The following ACYP2 variants were observed in gnomAD, a reference collection of about 807,000 sequenced individuals.
The protein encoded by ACYP2 is acylphosphatase 2.
ACYP2 carries 12 observed loss-of-function variants against 11.2 expected under a neutral mutation model. The observed-to-expected ratio is 1.08, with a 90% confidence interval of 0.69 to 1.74. The LOEUF is 1.74. Among genes scored for constraint, ACYP2 ranks in the 40% most tolerant of loss-of-function variants. The pLI is 0.00. For missense variants in ACYP2, 134 were observed against 101.9 expected, an observed-to-expected ratio of 1.31 and a Z score of -1.35; for synonymous variants, 43 against 32.2, an observed-to-expected ratio of 1.33 and a Z score of -1.13.
At chr2:54,053,411 C>T (rs937216616) in intron 3 of ACYP2, among the ~76,000 whole-genome samples, 23 of 152,186 alleles carry the variant, frequency 1.5e-4, no homozygotes, top group African/African-American at 4.8e-4. Flanking sequence ...CACCAGCACC[C>T]TCAGTGGCAG....
rs1002813900 is a variant in ACYP2 at position 54,097,494 on chromosome 2, A to G, written c.278-37959A>G. On this transcript the variant is annotated intron_variant, in intron 4 of 6. Coordinates refer to ENST00000607452, the MANE Select transcript of ACYP2 (RefSeq NM_001320586.2). ...GAGGCACCTGGTTACAAAAAATGAC[A>G]ATAACAACACAACAACAGTGTATTA... Among the ~76,000 whole-genome samples, 5 of 152,264 alleles carry G rather than the reference A, an allele frequency of 3.3e-5. No homozygotes were observed. In the South Asian group the frequency reaches 6.2e-4, roughly 19 times the overall value.
At chr2:54,001,397 T>C (rs1047649312) in intron 2 of ACYP2, among the ~76,000 whole-genome samples, 2 of 152,194 alleles carry the variant, frequency 1.3e-5, no homozygotes, top group Non-Finnish European at 2.9e-5. Context: ...TAAAAATATG[T>C]ATTTTTTATT....
chr2:54,145,139 G>A (rs115194735), intron 6 of ACYP2, among the ~76,000 whole-genome samples: 123 of 152,026 alleles, frequency 8.1e-4, no homozygotes, highest in Non-Finnish European at 1.3e-3. Context: ...GTTTGTGTTT[G>A]TAAAATTCCC....
At chr2:54,199,757 C>A (rs2103904647) in intron 6 of ACYP2, among the ~76,000 whole-genome samples, 1 of 152,304 alleles carries the variant, frequency 6.6e-6, no homozygotes, top group African/African-American at 2.4e-5. Context: ...GGTTTAAGAA[C>A]TATGGAGCTG....
intron 2 of ACYP2, among the ~76,000 whole-genome samples, chr2:53,988,894 G>A (rs111598431): frequency 3.3e-5 from 5 of 151,690 alleles, no homozygotes; most frequent in African/African-American, 7.3e-5. Flanking sequence ...TTACAGGTGC[G>A]CGCTACCATG....
intron 6 of ACYP2, among the ~76,000 whole-genome samples, chr2:54,215,437 G>A (rs1685520111): frequency 6.6e-6 from 1 of 152,042 alleles, no homozygotes; most frequent in Non-Finnish European, 1.5e-5. Context: ...TGCCTGGTTT[G>A]TTGAGTGTCT....
intron 6 of ACYP2, among the ~76,000 whole-genome samples, chr2:54,241,518 A>G (rs1396226415): frequency 1.3e-5 from 2 of 152,132 alleles, no homozygotes; most frequent in Non-Finnish European, 2.9e-5. Flanking sequence ...TGTTGTTTCT[A>G]TCTGAAGTCA....
intron 2 of ACYP2, among the ~76,000 whole-genome samples, chr2:54,021,287 T>C (rs530089651): frequency 6.6e-6 from 1 of 152,266 alleles, no homozygotes; most frequent in East Asian, 1.9e-4. Context: ...GGGGAATAGA[T>C]GTGAACTACT....
intron 4 of ACYP2, among the ~76,000 whole-genome samples, chr2:54,077,672 T>G (rs970260845): frequency 1.3e-5 from 2 of 152,232 alleles, no homozygotes; most frequent in Non-Finnish European, 2.9e-5. Flanking sequence ...GAAGCAGCCC[T>G]TCAAGGAGGC....
chr2:54,132,925 C>G (rs1453358052), intron 4 of ACYP2, among the ~76,000 whole-genome samples: 2 of 151,786 alleles, frequency 1.3e-5, no homozygotes, highest in Non-Finnish European at 1.5e-5. Flanking sequence ...TTGTATTTTT[C>G]TTGAGATGGG....
intron 6 of ACYP2, among the ~76,000 whole-genome samples, chr2:54,170,197 G>A (rs924258403): frequency 1.3e-5 from 2 of 152,134 alleles, no homozygotes; most frequent in African/African-American, 4.8e-5. Context: ...CTGTTGCCCA[G>A]GCTGGTGTGC....
chr2:54,078,964 C>T (rs959285), intron 4 of ACYP2, among the ~76,000 whole-genome samples: 3 of 151,948 alleles, frequency 2.0e-5, no homozygotes, highest in Non-Finnish European at 4.4e-5. Flanking sequence ...AAGGGTATGC[C>T]GTAGGCATAT....
At chr2:54,291,353 C>T (rs1689295006) in intron 6 of ACYP2, among the ~76,000 whole-genome samples, 1 of 152,096 alleles carries the variant, frequency 6.6e-6, no homozygotes, top group South Asian at 2.1e-4. Context: ...AGAAAGGGTC[C>T]ACAGAAGTGT....
chr2:54,252,599 T>C (rs990747508), intron 6 of ACYP2, among the ~76,000 whole-genome samples: 1 of 152,144 alleles, frequency 6.6e-6, no homozygotes, highest in Non-Finnish European at 1.5e-5. Context: ...AATTTTACCA[T>C]CATCCATTCA....
intron 2 of ACYP2, among the ~76,000 whole-genome samples, chr2:54,048,447 C>G (rs1400874253): frequency 6.6e-6 from 1 of 152,072 alleles, no homozygotes; most frequent in Non-Finnish European, 1.5e-5. Context: ...AAAAAATTAA[C>G]CATGTGTTAA....
At chr2:54,285,133 G>T (rs1447995164) in intron 6 of ACYP2, among the ~76,000 whole-genome samples, 1 of 152,180 alleles carries the variant, frequency 6.6e-6, no homozygotes, top group Non-Finnish European at 1.5e-5. Flanking sequence ...GGGCTGACAA[G>T]CTCCCTTGGG....
At chr2:54,226,290 C>G (rs1282743919) in intron 6 of ACYP2, among the ~76,000 whole-genome samples, 2 of 152,172 alleles carry the variant, frequency 1.3e-5, no homozygotes, top group Admixed American at 6.5e-5. Context: ...CTGGATAAGT[C>G]TGGACCATCT....
chr2:54,120,397 A>G (rs1680080124), intron 4 of ACYP2, among the ~76,000 whole-genome samples: 1 of 152,174 alleles, frequency 6.6e-6, no homozygotes, highest in South Asian at 2.1e-4. Flanking sequence ...GAAAATTTGA[A>G]AGGGAAATTG....
intron 4 of ACYP2, among the ~76,000 whole-genome samples, chr2:54,081,383 C>A (rs542579230): frequency 6.6e-6 from 1 of 152,302 alleles, no homozygotes; most frequent in Non-Finnish European, 1.5e-5. Context: ...GCCTAGAAAA[C>A]GGTAGCCCCA....
Sources: allele counts gnomAD v4.1 joint callset (sites outside exome capture counted in the v4.1 genomes callset), GRCh38; gene constraint gnomAD v4.1.1; transcripts MANE v1.5; gene names NCBI Gene and HGNC (gene_info 2026-07-23, HGNC 2026-07-21).